SLBP: variants seen among roughly 807,000 people sequenced by gnomAD.
SLBP encodes stem-loop histone mRNA binding protein, also known as histone RNA hairpin-binding protein.
SLBP carries 29 observed loss-of-function variants against 39.2 expected under a neutral mutation model. The ratio of observed to expected loss-of-function variants is 0.74; its 90% CI spans 0.55 to 1.01. SLBP has a LOEUF of 1.01. Ranked by LOEUF, SLBP falls within the 50% of genes least tolerant of loss-of-function variation. The pLI, the probability that SLBP is intolerant of heterozygous loss-of-function variation, is 0.00. For synonymous variants in SLBP, 129 were observed against 118.7 expected (o/e 1.09, Z -0.57); for missense variants, 390 against 350.2 (o/e 1.11, Z -0.91).
rs552592290 is a variant in SLBP at position 1,712,293 on chromosome 4, G to C, written c.-105C>G. ...GGCAGGGCCTGAGGCAGAAACCCGCGTCCCCGCGCCGGCGCTCACGAGCTC... is the reference window on the plus strand; with the variant it reads ...GGCAGGGCCTGAGGCAGAAACCCGCCTCCCCGCGCCGGCGCTCACGAGCTC... On this transcript the variant is annotated 5_prime_UTR_variant, in exon 1 of 8. Transcript: ENST00000489418. 8.0e-5 allele frequency: 55 copies of C among 685,156 alleles called. 1 individual carries two copies. In the African/African-American group the frequency reaches 8.3e-4, roughly 10 times the overall value. The allele number at this position is 685,156 out of a possible 1,614,324, so 42.4% of individuals were successfully genotyped here. A position where few individuals can be genotyped will look rare whatever the true frequency, so the allele number is the denominator to read the frequency against.
intron 2 of SLBP, among the ~76,000 whole-genome samples, chr4:1,709,586 T>C (rs1716653912): frequency 2.0e-5 from 3 of 151,886 alleles, no homozygotes; most frequent in African/African-American, 7.2e-5. Context: ...TGCCTCCCTT[T>C]CACTGTTTCA....
At chr4:1,710,150 A>G (rs1023666743) in intron 2 of SLBP, among the ~76,000 whole-genome samples, 1 of 152,192 alleles carries the variant, frequency 6.6e-6, no homozygotes, top group Non-Finnish European at 1.5e-5. Context: ...AAGTGCTGGG[A>G]TTACAGGCAG....
Position 1,699,646 on chromosome 4 carries a change from T to A in SLBP, c.397A>T (p.Ser133Cys). Residue 133 changes from serine (S) to cysteine (C), a missense_variant, in exon 5 of 8, where the codon AGT (serine) becomes TGT (cysteine). Transcript: ENST00000489418. Reference sequence around the variant, plus strand: ...TGCTTCTGTCTCCTCATTAGGACACTTTCATCTGTCTCAAAGTCAGCCGGC... The same window carrying A: ...TGCTTCTGTCTCCTCATTAGGACACATTCATCTGTCTCAAAGTCAGCCGGC... The part of the protein sequence containing the change: ...TVPADFETDE[S>C]VLMRRQKQIN... The A allele has an allele frequency of 6.2e-7, 1 of 1,613,580 alleles. No individual in the cohort carries two copies. Among genetic ancestry groups the A allele is most frequent in the African/African-American group, 1.3e-5 (1 of 75,056 alleles).
rs1466344155 is a variant in SLBP, at chr4:1,693,785, C to T, written c.697-72G>A. The T allele has an allele frequency of 9.4e-6, 8 of 855,100 alleles. No individual in the cohort carries two copies. The East Asian group carries it at 1.9e-4, about 21-fold the overall frequency. 53.0% of individuals were successfully genotyped at this position (855,100 alleles called of 1,614,324 possible). ...AACAGGGGCCCCTTCCTACACCCCA[C>T]TCCTTATGTGGTAAATCATGTGATG... On this transcript the variant is annotated intron_variant, in intron 7 of 7. Coordinates refer to ENST00000489418, the MANE Select transcript of SLBP (RefSeq NM_006527.4).
chr4:1,712,278 G>C lies in SLBP; in HGVS notation c.-90C>G, dbSNP rs765160408. The C allele has an allele frequency of 7.2e-6, 6 of 829,178 alleles. No individual in the cohort carries two copies. The South Asian group carries it at 1.3e-4, about 18-fold the overall frequency. The allele number at this position is 829,178 out of a possible 1,614,324, so 51.4% of individuals were successfully genotyped here. On this transcript the variant is annotated 5_prime_UTR_variant, in exon 1 of 8. Coordinates refer to ENST00000489418, the MANE Select transcript of SLBP (RefSeq NM_006527.4). ...CGCAGAGTAGAGCAGGGCAGGGCCT[G>C]AGGCAGAAACCCGCGTCCCCGCGCC...
intron 5 of SLBP, among the ~76,000 whole-genome samples, chr4:1,697,714 C>T (rs1716165955): frequency 6.7e-6 from 1 of 150,150 alleles, no homozygotes; most frequent in Non-Finnish European, 1.5e-5. Flanking sequence ...CATGGTGGCG[C>T]ATGCCTGTAA....
chr4:1,700,840 A>G (rs1716297995), intron 3 of SLBP, among the ~76,000 whole-genome samples: 2 of 152,142 alleles, frequency 1.3e-5, no homozygotes, highest in South Asian at 4.1e-4. Context: ...TACTGAGATC[A>G]GGAGTGAGCC....
rs1037416700 is a variant in SLBP at position 1,699,593 on chromosome 4, G to A, written c.450C>T (p.Ala150=). ...KQINYGKNTI[A]YDRYIKEVPR... The stretch of plus-strand genomic sequence containing the variant: ...GGACTTCTTTAATATAACGATCGTA[G>A]GCAATTGTGTTCTTCCCATAGTTGA... The change falls in exon 5 of 8, where the codon GCC becomes GCT. Residue 150 remains alanine (A), a synonymous_variant. Coordinates refer to ENST00000489418, the MANE Select transcript of SLBP (RefSeq NM_006527.4). 1.2e-6 allele frequency: 2 copies of A among 1,613,856 alleles called. No homozygotes were observed. Among genetic ancestry groups the A allele is most frequent in the South Asian group, 1.1e-5 (1 of 91,072 alleles).
intron 5 of SLBP, among the ~76,000 whole-genome samples, chr4:1,698,151 G>C (rs969633862): frequency 5.9e-5 from 9 of 151,888 alleles, no homozygotes; most frequent in Non-Finnish European, 1.2e-4. Context: ...CACGAGATCA[G>C]CAGTGCGAGA....
chr4:1,703,212 G>A (rs540598814), intron 3 of SLBP, among the ~76,000 whole-genome samples: 39 of 147,980 alleles, frequency 2.6e-4, no homozygotes, highest in African/African-American at 6.0e-4. Context: ...ACTCCAGCCC[G>A]GGCAACAGAG....
At chr4:1,698,991 T>C (rs904142846) in intron 5 of SLBP, among the ~76,000 whole-genome samples, 3 of 151,328 alleles carry the variant, frequency 2.0e-5, no homozygotes, top group African/African-American at 7.3e-5. Context: ...GGTCTCCTTA[T>C]ATTGCCCAGG....
intron 2 of SLBP, among the ~76,000 whole-genome samples, chr4:1,707,717 C>T (rs1716576465): frequency 1.3e-5 from 2 of 151,680 alleles, no homozygotes; most frequent in African/African-American, 2.4e-5. Flanking sequence ...AAGGCTGAGG[C>T]GGGCGGATCA....
chr4:1,696,120 CCTCCTGTCCCAGTGGTGCG>C, intron 6 of SLBP, 63 bp downstream of exon 6: 1 of 1,256,494 alleles, frequency 8.0e-7, no homozygotes. Context: ...TGGCACCAGA[CCTCCTGTCCCAGTGGTGCG>C]CAGCTGCTCC....
chr4:1,699,483 T>C (rs895908885), intron 5 of SLBP, 81 bp downstream of exon 5: 2 of 1,389,800 alleles, frequency 1.4e-6, no homozygotes, highest in Non-Finnish European at 2.0e-6. Context: ...CCAGCATCAT[T>C]TGTACTACCC....
At chr4:1,697,140 C>T (rs1231100135) in intron 5 of SLBP, among the ~76,000 whole-genome samples, 1 of 109,906 alleles carries the variant, frequency 9.1e-6, no homozygotes, top group Non-Finnish European at 1.7e-5. Flanking sequence ...GTCTGGTCAA[C>T]AGAGCAAGAC....
intron 3 of SLBP, 71 bp from the exon 4 acceptor site, chr4:1,700,141 C>G: frequency 1.9e-6 from 2 of 1,039,222 alleles, no homozygotes; most frequent in Non-Finnish European, 2.9e-6. Flanking sequence ...TGAGGAAGCT[C>G]CACCCTGATG....
intron 5 of SLBP, among the ~76,000 whole-genome samples, chr4:1,697,209 T>C (rs577314640): frequency 1.5e-5 from 2 of 136,556 alleles, no homozygotes; most frequent in South Asian, 4.8e-4. Context: ...TGGTTCACGC[T>C]GTAATCCCAG....
intron 2 of SLBP, among the ~76,000 whole-genome samples, chr4:1,706,879 T>C (rs1168365181): frequency 1.3e-5 from 2 of 151,846 alleles, no homozygotes; most frequent in East Asian, 3.9e-4. Flanking sequence ...ACACCTGTAA[T>C]CCCAGCACTT....
intron 6 of SLBP, among the ~76,000 whole-genome samples, chr4:1,695,408 G>A (rs1716069773): frequency 6.6e-6 from 1 of 152,176 alleles, no homozygotes; most frequent in African/African-American, 2.4e-5. Context: ...ATAGAGGGAG[G>A]GAGGTACACG....
Sources: gnomAD v4.1 joint callset for allele counts (sites outside exome capture counted in the v4.1 genomes callset) on GRCh38, gnomAD v4.1.1 for gene constraint, MANE v1.5 for transcripts, NCBI Gene and HGNC (gene_info 2026-07-23, HGNC 2026-07-21) for gene names.